Variants in CAMKMT observed in about 807,000 individuals in gnomAD.
The protein encoded by CAMKMT is calmodulin-lysine N-methyltransferase, also known as CaM KMT.
A neutral mutation model predicts 48.0 loss-of-function variants in CAMKMT; 53 were observed. That is an observed-to-expected ratio of 1.10 (90% confidence interval 0.89 to 1.39). The LOEUF (loss-of-function observed/expected upper bound fraction) is 1.39. CAMKMT is among the 40% of genes most tolerant of loss of function. The pLI, the probability that CAMKMT is intolerant of heterozygous loss-of-function variation, is 0.00. For missense variants in CAMKMT, 428 were observed against 402.7 expected (o/e 1.06, Z -0.54); for synonymous variants, 165 against 152.3 (o/e 1.08, Z -0.61).
chr2:44,769,492 C>T (rs568086287), intron 10 of CAMKMT, among the ~76,000 whole-genome samples: 77 of 152,284 alleles, frequency 5.1e-4, no homozygotes, highest in Admixed American at 3.6e-3. Context: ...AATTCATTGC[C>T]CTCATAGTGT....
intron 3 of CAMKMT, among the ~76,000 whole-genome samples, chr2:44,636,903 A>G (rs1375122246): frequency 1.3e-5 from 2 of 152,118 alleles, no homozygotes; most frequent in Non-Finnish European, 2.9e-5. Flanking sequence ...CTCTTGCCCC[A>G]CTTTACCTCA....
intron 3 of CAMKMT, among the ~76,000 whole-genome samples, chr2:44,580,922 TGGGCAAATTATC>T (rs765899472): frequency 3.9e-5 from 6 of 152,214 alleles, no homozygotes; most frequent in African/African-American, 7.2e-5. Flanking sequence ...TCAGTGTTGT[TGGGCAAATTATC>T]GGCTGCTTGC....
chr2:44,505,815 A>G (rs1056411116), intron 3 of CAMKMT, among the ~76,000 whole-genome samples: 6 of 152,028 alleles, frequency 3.9e-5, no homozygotes, highest in Non-Finnish European at 8.8e-5. Context: ...TTCCTGTTAC[A>G]TTAAGGAGAA....
intron 3 of CAMKMT, among the ~76,000 whole-genome samples, chr2:44,409,183 GTATA>G (rs1257934167): frequency 7.7e-5 from 1 of 13,000 alleles, no homozygotes; most frequent in Non-Finnish European, 1.6e-4. Context: ...ATATATATAT[GTATA>G]TTGCTACATA....
chr2:44,601,008 T>C (rs1172590525), intron 3 of CAMKMT, among the ~76,000 whole-genome samples: 2 of 152,118 alleles, frequency 1.3e-5, no homozygotes, highest in Non-Finnish European at 2.9e-5. Flanking sequence ...ATATCCTAAA[T>C]TTAGGGAGGG....
In CAMKMT at chr2:44,515,968, G is replaced by C. The variant is rs1572694203; in HGVS notation, c.376+125663G>C. Among the ~76,000 whole-genome samples, 5 of 152,202 alleles carry C rather than the reference G, an allele frequency of 3.3e-5. No homozygotes were observed. The South Asian group carries it at 1.0e-3, about 31-fold the overall frequency. On this transcript the variant is annotated intron_variant, in intron 3 of 10. Coordinates refer to ENST00000378494, the MANE Select transcript of CAMKMT (RefSeq NM_024766.5). ...AAGTCTAAAGAATGAGAGTCACGGAGAAGCAATTTTCTTTGCATTTTATTT... is the reference window on the plus strand; with the variant it reads ...AAGTCTAAAGAATGAGAGTCACGGACAAGCAATTTTCTTTGCATTTTATTT...
At chr2:44,551,457 A>T (rs922391808) in intron 3 of CAMKMT, among the ~76,000 whole-genome samples, 2 of 152,166 alleles carry the variant, frequency 1.3e-5, no homozygotes, top group Non-Finnish European at 2.9e-5. Flanking sequence ...CTGGAGTTTT[A>T]TGCATAAGAA....
At chr2:44,503,556 G>T (rs557117471) in intron 3 of CAMKMT, among the ~76,000 whole-genome samples, 1 of 152,222 alleles carries the variant, frequency 6.6e-6, no homozygotes, top group South Asian at 2.1e-4. Flanking sequence ...AAGGGAAGAG[G>T]ACCTTTGAGA....
intron 3 of CAMKMT, among the ~76,000 whole-genome samples, chr2:44,438,533 A>G (rs1437878872): frequency 6.6e-6 from 1 of 152,190 alleles, no homozygotes; most frequent in Admixed American, 6.5e-5. Context: ...TTTACATAAC[A>G]TTGCTTAAGT....
At chr2:44,562,391 C>T (rs1479598374) in intron 3 of CAMKMT, among the ~76,000 whole-genome samples, 2 of 152,176 alleles carry the variant, frequency 1.3e-5, no homozygotes, top group African/African-American at 4.8e-5. Context: ...ATAGCTAGCA[C>T]TTTATGAGCT....
At chr2:44,681,610 A>G (rs1200058761) in intron 3 of CAMKMT, among the ~76,000 whole-genome samples, 1 of 151,174 alleles carries the variant, frequency 6.6e-6, no homozygotes, top group African/African-American at 2.4e-5. Flanking sequence ...TTCTTTAGCC[A>G]GTCTCTGATA....
intron 3 of CAMKMT, among the ~76,000 whole-genome samples, chr2:44,662,027 C>T (rs1022171418): frequency 3.9e-5 from 6 of 152,290 alleles, no homozygotes; most frequent in African/African-American, 1.4e-4. Flanking sequence ...ATGCAACCCT[C>T]ATGATTTGGG....
At chr2:44,549,434 C>T in intron 3 of CAMKMT, 1 of 628,144 alleles carries the variant, frequency 1.6e-6, no homozygotes, top group East Asian at 2.8e-5. Context: ...ACCTCTCTCA[C>T]ACAGCAGGAA....
At chr2:44,378,117 C>G (rs1358653382) in intron 2 of CAMKMT, among the ~76,000 whole-genome samples, 2 of 152,096 alleles carry the variant, frequency 1.3e-5, no homozygotes, top group East Asian at 1.9e-4. Context: ...AGCAATAAAA[C>G]AACGTTTTTT....
At chr2:44,407,322 G>C (rs1682853940) in intron 3 of CAMKMT, among the ~76,000 whole-genome samples, 1 of 152,144 alleles carries the variant, frequency 6.6e-6, no homozygotes, top group African/African-American at 2.4e-5. Flanking sequence ...TTGGTTCAAG[G>C]CTTGTGGTAG....
intron 2 of CAMKMT, among the ~76,000 whole-genome samples, chr2:44,377,400 A>G (rs890430513): frequency 2.0e-5 from 3 of 152,208 alleles, no homozygotes; most frequent in Non-Finnish European, 4.4e-5. Flanking sequence ...AGATGTTTAT[A>G]CCAAAATTCT....
chr2:44,515,393 C>A (rs182407679), intron 3 of CAMKMT, among the ~76,000 whole-genome samples: 2 of 152,254 alleles, frequency 1.3e-5, no homozygotes, highest in East Asian at 3.9e-4. Context: ...GCAAAGGTAG[C>A]TCTTCAGGCT....
chr2:44,565,833 A>G (rs1668585392), intron 3 of CAMKMT, among the ~76,000 whole-genome samples: 1 of 152,172 alleles, frequency 6.6e-6, no homozygotes, highest in South Asian at 2.1e-4. Flanking sequence ...TACTATTTTG[A>G]CCCTAAAAAT....
chr2:44,692,274 C>T (rs936130201), intron 3 of CAMKMT, among the ~76,000 whole-genome samples: 1 of 151,802 alleles, frequency 6.6e-6, no homozygotes, highest in African/African-American at 2.4e-5. Flanking sequence ...AAAAAAATTA[C>T]TCTATGTTAG....
Sources: allele counts gnomAD v4.1 joint callset (sites outside exome capture counted in the v4.1 genomes callset), GRCh38; gene constraint gnomAD v4.1.1; transcripts MANE v1.5; gene names NCBI Gene and HGNC (gene_info 2026-07-23, HGNC 2026-07-21).